ERBB4: variants seen among roughly 807,000 people sequenced by gnomAD.
ERBB4 encodes receptor tyrosine-protein kinase erbB-4.
A neutral mutation model predicts 158.0 loss-of-function variants in ERBB4; 42 were observed. The ratio of observed to expected loss-of-function variants is 0.27; its 90% CI spans 0.21 to 0.34. ERBB4 has a LOEUF of 0.34. Among genes scored for constraint, ERBB4 ranks in the 10% least tolerant of loss-of-function variants. The pLI is 1.00. For synonymous variants in ERBB4, 583 were observed against 558.7 expected, an observed-to-expected ratio of 1.04 and a Z score of -0.61; for missense variants, 1,333 against 1,624.1, an observed-to-expected ratio of 0.82 and a Z score of 3.08.
chr2:211,967,609 G>C (rs1287878602), intron 2 of ERBB4, among the ~76,000 whole-genome samples: 1 of 151,876 alleles, frequency 6.6e-6, no homozygotes, highest in Non-Finnish European at 1.5e-5. Context: ...CCTGTGAAAG[G>C]ACCAAAATTA....
rs1404401296 is a variant in ERBB4, at chr2:211,636,579, C to A, written c.1947-5985G>T. On this transcript the variant is annotated intron_variant, in intron 16 of 27. Coordinates refer to ENST00000342788, the MANE Select transcript of ERBB4 (RefSeq NM_005235.3). ...TTGGCCAGGACGGTCTTAGTTTATG[C>A]CAGTCTAATAATCAATAATGCCACT... 2.0e-5 allele frequency among the ~76,000 whole-genome samples: 3 copies of A among 151,820 alleles called. No individual in the cohort carries two copies. The East Asian group carries it at 5.8e-4, about 29-fold the overall frequency.
At chr2:212,010,778 T>G (rs947275907) in intron 2 of ERBB4, among the ~76,000 whole-genome samples, 2 of 152,030 alleles carry the variant, frequency 1.3e-5, no homozygotes, top group Non-Finnish European at 2.9e-5. Flanking sequence ...CATATCTCAG[T>G]CCTTATCTCA....
At chr2:212,297,739 A>G (rs1415437987) in intron 1 of ERBB4, among the ~76,000 whole-genome samples, 1 of 151,730 alleles carries the variant, frequency 6.6e-6, no homozygotes, top group East Asian at 1.9e-4. Context: ...AAGATGATGA[A>G]AAAGGGTGTA....
At chr2:211,599,516 T>TGTGTGTGTGTGTGTGTGTGTGTGA (rs2068736401) in intron 19 of ERBB4, among the ~76,000 whole-genome samples, 1 of 151,000 alleles carries the variant, frequency 6.6e-6, no homozygotes, top group South Asian at 2.1e-4. Flanking sequence ...ATTTCTTCTG[T>TGTGTGTGTGTGTGTGTGTGTGTGA]GTGTGTGTGT....
intron 1 of ERBB4, among the ~76,000 whole-genome samples, chr2:212,500,649 C>A (rs1235265553): frequency 2.0e-5 from 3 of 152,166 alleles, no homozygotes; most frequent in Non-Finnish European, 4.4e-5. Context: ...GAATATCTAA[C>A]CTTGCTACAC....
Position 212,270,720 on chromosome 2 carries a change from T to A in ERBB4, c.83-145817A>T, listed in dbSNP as rs183035788. Among the ~76,000 whole-genome samples, 15 of 151,810 alleles carry A rather than the reference T, an allele frequency of 9.9e-5. No individual in the cohort carries two copies. In the South Asian group the frequency reaches 1.7e-3, roughly 17 times the overall value. On this transcript the variant is annotated intron_variant, in intron 1 of 27. Coordinates refer to ENST00000342788, the MANE Select transcript of ERBB4 (RefSeq NM_005235.3). ...GTCTGATTTCCCTGAGGTTCTTATG[T>A]TGTAAGAAAGCTCAAGCTAGCTATT...
chr2:211,526,750 TA>T (rs1291866818), intron 20 of ERBB4, among the ~76,000 whole-genome samples: 2 of 151,188 alleles, frequency 1.3e-5, no homozygotes, highest in African/African-American at 4.9e-5. Flanking sequence ...GAGAGTAAGT[TA>T]ATTAAAGAGA....
chr2:211,861,082 TA>T (rs2078017074), intron 3 of ERBB4, among the ~76,000 whole-genome samples: 2 of 45,812 alleles, frequency 4.4e-5, no homozygotes, highest in Admixed American at 3.6e-4. Context: ...ATTTATATAT[TA>T]TAAAATATAT....
intron 2 of ERBB4, among the ~76,000 whole-genome samples, chr2:212,015,893 T>A (rs1029654715): frequency 6.6e-6 from 1 of 152,280 alleles, no homozygotes; most frequent in Middle Eastern, 3.4e-3. Flanking sequence ...TCCATTTGCA[T>A]TCCACACTCT....
intron 2 of ERBB4, among the ~76,000 whole-genome samples, chr2:212,108,955 C>T: frequency 6.6e-6 from 1 of 151,982 alleles, no homozygotes; most frequent in East Asian, 1.9e-4. Flanking sequence ...GATGGCAGCG[C>T]ACAGTAGGAG....
intron 1 of ERBB4, among the ~76,000 whole-genome samples, chr2:212,341,061 A>C (rs1224700273): frequency 6.6e-6 from 1 of 152,086 alleles, no homozygotes; most frequent in Non-Finnish European, 1.5e-5. Flanking sequence ...TAAAATATTT[A>C]ATCTTATTGG....
chr2:212,286,605 T>TTTTTTTTG (rs1559928745), intron 1 of ERBB4, among the ~76,000 whole-genome samples: 1 of 127,884 alleles, frequency 7.8e-6, no homozygotes, highest in African/African-American at 3.0e-5. Flanking sequence ...TTTTTTTTTT[T>TTTTTTTTG]TTTTTTTTTT....
chr2:211,539,601 C>G (rs1289483560), intron 20 of ERBB4, among the ~76,000 whole-genome samples: 1 of 151,878 alleles, frequency 6.6e-6, no homozygotes, highest in East Asian at 1.9e-4. Flanking sequence ...TCCCTTTCTG[C>G]CTTCTATAAT....
At chr2:211,882,088 C>T (rs1286104372) in intron 3 of ERBB4, among the ~76,000 whole-genome samples, 2 of 152,148 alleles carry the variant, frequency 1.3e-5, no homozygotes, top group African/African-American at 2.4e-5. Flanking sequence ...TGCTCATTCC[C>T]TTTATCAAAC....
chr2:211,753,512 A>C (rs1342990231), intron 4 of ERBB4, among the ~76,000 whole-genome samples: 1 of 152,026 alleles, frequency 6.6e-6, no homozygotes, highest in East Asian at 1.9e-4. Context: ...TATGAGTTTA[A>C]GGGAAAAAGT....
At position 211,540,131 on chromosome 2, in the gene ERBB4, C is replaced by T. The variant is rs546696691; in HGVS notation, c.2487+21772G>A. Among the ~76,000 whole-genome samples, 257 of 151,630 alleles carry T rather than the reference C, an allele frequency of 1.7e-3. 1 individual carries two copies. Among genetic ancestry groups the T allele is most frequent in the Non-Finnish European group, 3.0e-3 (203 of 67,908 alleles). The stretch of plus-strand genomic sequence containing the variant: ...GGCCATTTTGCTCATTATCTGTTTT[C>T]TAAGTACTATTATAAAGATACCTGC... On this transcript the variant is annotated intron_variant, in intron 20 of 27. Transcript: ENST00000342788.
At chr2:212,326,950 G>C (rs576595233) in intron 1 of ERBB4, among the ~76,000 whole-genome samples, 66 of 151,000 alleles carry the variant, frequency 4.4e-4, no homozygotes, top group African/African-American at 1.5e-3. Context: ...CTCAAAACAA[G>C]ATTCTAATAA....
At chr2:212,213,502 G>A (rs528109604) in intron 1 of ERBB4, among the ~76,000 whole-genome samples, 1 of 151,760 alleles carries the variant, frequency 6.6e-6, no homozygotes, top group African/African-American at 2.4e-5. Context: ...CATTTATGGG[G>A]GCAGCTAAAA....
intron 1 of ERBB4, among the ~76,000 whole-genome samples, chr2:212,434,655 C>T (rs1329225912): frequency 6.6e-6 from 1 of 151,970 alleles, no homozygotes; most frequent in Non-Finnish European, 1.5e-5. Flanking sequence ...AGGGAATCCT[C>T]TCTTGTGGCA....
Sources: gnomAD v4.1 joint callset for allele counts (sites outside exome capture counted in the v4.1 genomes callset) on GRCh38, gnomAD v4.1.1 for gene constraint, MANE v1.5 for transcripts, NCBI Gene and HGNC (gene_info 2026-07-23, HGNC 2026-07-21) for gene names.